Variants in PCDHGA1 observed in about 807,000 individuals in gnomAD.
The protein encoded by PCDHGA1 is protocadherin gamma-A1.
PCDHGA1 carries 32 observed loss-of-function variants against 58.0 expected under a neutral mutation model. The ratio of observed to expected loss-of-function variants is 0.55; its 90% CI spans 0.42 to 0.74. PCDHGA1 has a LOEUF of 0.74. PCDHGA1 is among the 30% of genes least tolerant of loss of function. PCDHGA1 has a pLI of 0.00. For synonymous variants in PCDHGA1, 498 were observed against 501.1 expected (o/e 0.99, Z 0.08); for missense variants, 1,205 against 1,182.3 (o/e 1.02, Z -0.28).
At chr5:141,469,306 A>G in intron 1 of PCDHGA1, among the ~76,000 whole-genome samples, 1 of 150,500 alleles carries the variant, frequency 6.6e-6, no homozygotes, top group South Asian at 2.1e-4. Flanking sequence ...ACTGGGCACG[A>G]TGGCTCACGC....
chr5:141,460,277 A>C (rs2154566827), intron 1 of PCDHGA1, among the ~76,000 whole-genome samples: 1 of 152,124 alleles, frequency 6.6e-6, no homozygotes, highest in African/African-American at 2.4e-5. Context: ...TTTCTTTTAT[A>C]GTTTGTATTT....
At position 141,511,140 on chromosome 5, in the gene PCDHGA1, C is replaced by G. The variant is rs1405623579; in HGVS notation, c.2763C>G (p.Asn921Lys). Residue 921 changes from asparagine (N) to lysine (K), a missense_variant, in exon 4 of 4, where the codon AAC becomes AAG. Physicochemically the swap from Asn to Lys is moderately conservative, Grantham distance 94. Transcript: ENST00000517417. ...AGGCCCCAGCAGGTGGCAATGGCAACAAGAAGAAGTCGGGCAAGAAGGAGA... is the reference window on the plus strand; with the variant it reads ...AGGCCCCAGCAGGTGGCAATGGCAAGAAGAAGAAGTCGGGCAAGAAGGAGA... Reference protein sequence around the residue: ...DGKAPAGGNGNKKKSGKKEKK With the variant: ...DGKAPAGGNGKKKKSGKKEKK 2.5e-6 allele frequency: 4 copies of G among 1,614,068 alleles called. No homozygotes were observed. Among genetic ancestry groups the G allele is most frequent in the Admixed American group, 1.7e-5 (1 of 60,008 alleles).
Position 141,491,262 on chromosome 5 carries a change from G to A in PCDHGA1, c.2422-3545G>A. ...TGGAGGATGAGGACCCTGAGGAAATGCCCAAATCCAGTGACTTCCTCATAC... is the reference window on the plus strand; with the variant it reads ...TGGAGGATGAGGACCCTGAGGAAATACCCAAATCCAGTGACTTCCTCATAC... On this transcript the variant is annotated intron_variant, in intron 1 of 3. Transcript: ENST00000517417. The surrounding 1 kb of genome is among the most constrained non-coding windows in gnomAD (Gnocchi z 6.9). 2 of 1,614,122 alleles carry A rather than the reference G, an allele frequency of 1.2e-6. No individual in the cohort carries two copies. Among genetic ancestry groups the A allele is most frequent in the Non-Finnish European group, 1.7e-6 (2 of 1,179,952 alleles).
At chr5:141,338,178 CTT>C (rs1756732745) in intron 1 of PCDHGA1, among the ~76,000 whole-genome samples, 2 of 152,194 alleles carry the variant, frequency 1.3e-5, no homozygotes, top group African/African-American at 2.4e-5. Context: ...ATTATACTCT[CTT>C]TACTTTCTTA....
chr5:141,355,989 C>T lies in PCDHGA1; in HGVS notation c.2421+22884C>T, dbSNP rs539292307. ...TTCCTGTAGGCACTCGGCTACTCAC[C>T]GTAAAAGCCACTGATCCAGATGAAG... is the stretch of plus-strand genomic sequence containing the variant. On this transcript the variant is annotated intron_variant, in intron 1 of 3. Coordinates refer to ENST00000517417, the MANE Select transcript of PCDHGA1 (RefSeq NM_018912.3). 7 of 1,613,804 alleles carry T rather than the reference C, an allele frequency of 4.3e-6. No homozygotes were observed. The South Asian group carries it at 7.7e-5, about 18-fold the overall frequency.
At chr5:141,495,278 C>A (rs2099760057) in intron 2 of PCDHGA1, among the ~76,000 whole-genome samples, 1 of 152,174 alleles carries the variant, frequency 6.6e-6, no homozygotes, top group Non-Finnish European at 1.5e-5. Context: ...CCGGAGGAGG[C>A]GGTCCGCACT....
chr5:141,496,621 C>A (rs1297797187), intron 2 of PCDHGA1, among the ~76,000 whole-genome samples: 1 of 152,214 alleles, frequency 6.6e-6, no homozygotes. Context: ...AGCAGCAGAT[C>A]AAAAGGCTTG....
At chr5:141,366,443 C>T in intron 1 of PCDHGA1, 1 of 1,614,206 alleles carries the variant, frequency 6.2e-7, no homozygotes, top group Non-Finnish European at 8.5e-7. Context: ...CTGCGTCTTC[C>T]TGGCCTTCGT....
chr5:141,486,671 C>T lies in PCDHGA1; in HGVS notation c.2422-8136C>T, dbSNP rs1307620045. The T allele has an allele frequency of 1.9e-6, 3 of 1,613,926 alleles. No homozygotes were observed. Among genetic ancestry groups the T allele is most frequent in the South Asian group, 1.1e-5 (1 of 91,078 alleles). On this transcript the variant is annotated intron_variant, in intron 1 of 3. Coordinates refer to ENST00000517417, the MANE Select transcript of PCDHGA1 (RefSeq NM_018912.3). This position sits in a 1 kb window ranked among gnomAD's most constrained non-coding sequence, Gnocchi z 5.0. Reference sequence around the variant, plus strand: ...CTACTCACTCCTGGAGCCCAGGAATCGAGATGTATCAGCTTCCTCTTTCAT... The same window carrying T: ...CTACTCACTCCTGGAGCCCAGGAATTGAGATGTATCAGCTTCCTCTTTCAT...
chr5:141,332,011 A>G lies in PCDHGA1; in HGVS notation c.1327A>G (p.Thr443Ala). ...TGAAACTCACATTTCACTACTAGTG[A>G]CAGATATCAATGACAACTCCCCAGT... ...STETHISLLVTDINDNSPVFH... is the reference protein window; with the variant it reads ...STETHISLLVADINDNSPVFH... Residue 443 changes from threonine to alanine, a missense_variant, in exon 1 of 4, where the codon ACA (threonine) becomes GCA (alanine). By Grantham distance (58) the Thr-to-Ala change is moderately conservative. Coordinates refer to ENST00000517417, the MANE Select transcript of PCDHGA1 (RefSeq NM_018912.3). This position sits in a 1 kb window ranked among gnomAD's most constrained non-coding sequence, Gnocchi z 4.6. 6.2e-7 allele frequency: 1 copy of G among 1,614,178 alleles called. No homozygotes were observed. The highest frequency in any genetic ancestry group is 1.1e-5 in the South Asian group (1 of 91,072).
At chr5:141,364,827 C>T in intron 1 of PCDHGA1, 1 of 1,613,996 alleles carries the variant, frequency 6.2e-7, no homozygotes, top group Non-Finnish European at 8.5e-7. Flanking sequence ...GGTGTGAACT[C>T]TCTCCGGAGT....
At chr5:141,383,515 C>A (rs749503295) in intron 1 of PCDHGA1, 4 of 1,612,348 alleles carry the variant, frequency 2.5e-6, no homozygotes, top group Admixed American at 1.7e-5. Context: ...GGAGGAAGAG[C>A]GGGTTCACCA....
rs1437533706 is a variant in PCDHGA1, at chr5:141,511,419, G to C, written c.*246G>C. On this transcript the variant is annotated 3_prime_UTR_variant, in exon 4 of 4. Transcript: ENST00000517417. ...ATCCAATCAACTGCTGTACCCATGG[G>C]GGTAGTGGGGTTACTGTAGACACCA... The C allele has an allele frequency of 2.4e-6, 2 of 830,456 alleles. No individual in the cohort carries two copies. The highest frequency in any genetic ancestry group is 5.8e-5 in the East Asian group (2 of 34,260). 51.4% of individuals were successfully genotyped at this position (830,456 alleles called of 1,614,324 possible).
rs768015584 is a variant in PCDHGA1, at chr5:141,356,906, C to T, written c.2421+23801C>T. ...GAGATCCTGTACCCCACCTTCCCTA[C>T]TGATGGCTCCACTGGTGTGGAGCTG... is the stretch of plus-strand genomic sequence containing the variant. On this transcript the variant is annotated intron_variant, in intron 1 of 3. Coordinates refer to ENST00000517417, the MANE Select transcript of PCDHGA1 (RefSeq NM_018912.3). 7.4e-6 allele frequency: 12 copies of T among 1,614,110 alleles called. No individual in the cohort carries two copies. In the Admixed American group the frequency reaches 8.3e-5, roughly 11 times the overall value.
intron 1 of PCDHGA1, among the ~76,000 whole-genome samples, chr5:141,369,777 G>A (rs1766479058): frequency 1.3e-5 from 2 of 152,188 alleles, no homozygotes; most frequent in South Asian, 2.1e-4. Context: ...GATATTTCAA[G>A]CCTCTTTATA....
At chr5:141,405,334 T>C in intron 1 of PCDHGA1, 1 of 1,614,196 alleles carries the variant, frequency 6.2e-7, no homozygotes. Flanking sequence ...TGTGCGTCTC[T>C]GTTGATTCCA....
At chr5:141,495,697 A>G (rs1010733016) in intron 2 of PCDHGA1, among the ~76,000 whole-genome samples, 1 of 152,086 alleles carries the variant, frequency 6.6e-6, no homozygotes, top group Non-Finnish European at 1.5e-5. Flanking sequence ...AGTGCTCAAT[A>G]AATGTGGAGT....
chr5:141,368,555 A>G (rs1400384896), intron 1 of PCDHGA1, among the ~76,000 whole-genome samples: 1 of 152,208 alleles, frequency 6.6e-6, no homozygotes, highest in Non-Finnish European at 1.5e-5. Context: ...TTTTAAAAGA[A>G]AATGTTATAT....
chr5:141,383,951 C>G lies in PCDHGA1; in HGVS notation c.2421+50846C>G, dbSNP rs1365918560. 5 of 1,613,676 alleles carry G rather than the reference C, an allele frequency of 3.1e-6. No homozygotes were observed. In the African/African-American group the frequency reaches 6.7e-5, roughly 22 times the overall value. On this transcript the variant is annotated intron_variant, in intron 1 of 3. Transcript: ENST00000517417. ...AATGCTCCAGAAGTGACTATGACGT[C>G]TTTAAGTAGCTCAATCCCTGAAGAC...
Sources: allele counts gnomAD v4.1 joint callset (sites outside exome capture counted in the v4.1 genomes callset), GRCh38; gene constraint gnomAD v4.1.1; non-coding constraint Gnocchi (gnomAD v3.1); transcripts MANE v1.5; gene names NCBI Gene and HGNC (gene_info 2026-07-23, HGNC 2026-07-21).